The following KPNA6 variants were observed in gnomAD, a reference collection of about 807,000 sequenced individuals.
The protein encoded by KPNA6 is importin subunit alpha-7.
A neutral mutation model predicts 72.0 loss-of-function variants in KPNA6; 9 were observed. The observed-to-expected ratio is 0.13, with a 90% confidence interval of 0.08 to 0.22. The LOEUF (loss-of-function observed/expected upper bound fraction) is 0.22. Among genes scored for constraint, KPNA6 ranks in the 10% least tolerant of loss-of-function variants. The pLI, the probability that KPNA6 is intolerant of heterozygous loss-of-function variation, is 1.00. For missense variants in KPNA6, 374 were observed against 655.7 expected (o/e 0.57, Z 4.69); for synonymous variants, 219 against 242.1 (o/e 0.90, Z 0.89).
At chr1:32,164,073 C>T (rs1227830076) in intron 10 of KPNA6, among the ~76,000 whole-genome samples, 1 of 152,220 alleles carries the variant, frequency 6.6e-6, no homozygotes, top group East Asian at 1.9e-4. Flanking sequence ...CTCCCTTCCC[C>T]TAGTGCCTAG....
chr1:32,162,103 T>C, intron 8 of KPNA6, 57 bp downstream of exon 8: 2 of 1,395,404 alleles, frequency 1.4e-6, no homozygotes, highest in Non-Finnish European at 2.0e-6. Context: ...TATGGAGTTT[T>C]TAAGTCTTTG....
intron 1 of KPNA6, among the ~76,000 whole-genome samples, chr1:32,139,613 A>G (rs1267111879): frequency 6.6e-6 from 1 of 152,246 alleles, no homozygotes; most frequent in African/African-American, 2.4e-5. Flanking sequence ...GGCGTTCTAT[A>G]AGAAAACTGA....
intron 5 of KPNA6, 90 bp from the exon 6 acceptor site, chr1:32,159,310 G>T: frequency 3.6e-6 from 5 of 1,372,596 alleles, no homozygotes; most frequent in Non-Finnish European, 5.0e-6. Flanking sequence ...TTAAATTCAT[G>T]GGCAGGAGGC....
intron 1 of KPNA6, among the ~76,000 whole-genome samples, chr1:32,137,950 C>T (rs1641766847): frequency 6.6e-6 from 1 of 152,032 alleles, no homozygotes; most frequent in Non-Finnish European, 1.5e-5. Context: ...GCCTGGCCAA[C>T]ATGGTGAAAC....
chr1:32,119,189 C>T (rs1641389177), intron 1 of KPNA6, among the ~76,000 whole-genome samples: 1 of 151,058 alleles, frequency 6.6e-6, no homozygotes, highest in Non-Finnish European at 1.5e-5. Context: ...CACAACCACG[C>T]CTGGCTAATT....
chr1:32,170,927 G>A lies in KPNA6; in HGVS notation c.*33G>A, dbSNP rs1557488534. On this transcript the variant is annotated 3_prime_UTR_variant, in exon 14 of 14. Coordinates refer to ENST00000373625, the MANE Select transcript of KPNA6 (RefSeq NM_012316.5). ...CTCCAGGGAGGGGAGGGGATGGGAAGCACCACCAGCCAGCGGAAGAGCAGC... is the reference window on the plus strand; with the variant it reads ...CTCCAGGGAGGGGAGGGGATGGGAAACACCACCAGCCAGCGGAAGAGCAGC... 3 of 1,596,082 alleles carry A rather than the reference G, an allele frequency of 1.9e-6. No homozygotes were observed. The highest frequency in any genetic ancestry group is 2.6e-6 in the Non-Finnish European group (3 of 1,164,660).
At chr1:32,111,730 T>C (rs1286536058) in intron 1 of KPNA6, among the ~76,000 whole-genome samples, 1 of 152,178 alleles carries the variant, frequency 6.6e-6, no homozygotes, top group African/African-American at 2.4e-5. Flanking sequence ...GCCTCTTAAG[T>C]GTACTCTCAG....
At chr1:32,157,488 G>A (rs997717388) in intron 4 of KPNA6, 43 bp downstream of exon 4, 1 of 1,413,672 alleles carries the variant, frequency 7.1e-7, no homozygotes, top group African/African-American at 1.4e-5. Flanking sequence ...ATATGATTTA[G>A]CCTCTTTTCT....
chr1:32,145,361 G>C (rs1312019529), intron 1 of KPNA6, among the ~76,000 whole-genome samples: 1 of 148,492 alleles, frequency 6.7e-6, no homozygotes, highest in African/African-American at 2.5e-5. Context: ...AGCAAGCTCT[G>C]TTCCCCAAGC....
chr1:32,131,683 C>G (rs960150795), intron 1 of KPNA6, among the ~76,000 whole-genome samples: 1 of 147,990 alleles, frequency 6.8e-6, no homozygotes, highest in East Asian at 2.0e-4. Context: ...GTTGTGTGTG[C>G]GTGTGTATAT....
At chr1:32,144,925 C>T (rs1019712668) in intron 1 of KPNA6, among the ~76,000 whole-genome samples, 29 of 150,774 alleles carry the variant, frequency 1.9e-4, no homozygotes, top group East Asian at 1.8e-3. Flanking sequence ...GAATTACAGG[C>T]GTAAGCCACC....
Position 32,143,586 on chromosome 1 carries a change from A to G in KPNA6, c.5-11002A>G, listed in dbSNP as rs546564953. Among the ~76,000 whole-genome samples the G allele has an allele frequency of 7.5e-3, 894 of 119,164 alleles. 10 individuals carry two copies. The highest frequency in any genetic ancestry group is 0.032 in the East Asian group (95 of 2,988). The allele number at this position is 119,164 out of a possible 152,430, so 78.2% of individuals were successfully genotyped here. A position where few individuals can be genotyped will look rare whatever the true frequency, so the allele number is the denominator to read the frequency against. The stretch of plus-strand genomic sequence containing the variant: ...AGATTCTGTCTTAAAAAAAAAAAAA[A>G]GAAAAGAAAAAAAAATTATTAGTGA... On this transcript the variant is annotated intron_variant, in intron 1 of 13. Transcript: ENST00000373625.
chr1:32,152,852 TAAA>T (rs1376057694), intron 1 of KPNA6, among the ~76,000 whole-genome samples: 2 of 127,394 alleles, frequency 1.6e-5, no homozygotes, highest in African/African-American at 6.0e-5. Flanking sequence ...CTAAAAAAAA[TAAA>T]AATAAAAATA....
At chr1:32,115,879 G>T (rs1001590902) in intron 1 of KPNA6, among the ~76,000 whole-genome samples, 6 of 151,718 alleles carry the variant, frequency 4.0e-5, no homozygotes, top group Admixed American at 2.0e-4. Flanking sequence ...AGGTAGCCAG[G>T]ATAACAGGTG....
chr1:32,131,379 T>TTG (rs1264879026), intron 1 of KPNA6, among the ~76,000 whole-genome samples: 2 of 152,018 alleles, frequency 1.3e-5, no homozygotes, highest in African/African-American at 4.8e-5. Context: ...CTGGGCATGG[T>TTG]GGCTCATGCC....
At chr1:32,158,991 G>C (rs1266447981) in intron 5 of KPNA6, among the ~76,000 whole-genome samples, 1 of 152,154 alleles carries the variant, frequency 6.6e-6, no homozygotes, top group Admixed American at 6.6e-5. Flanking sequence ...CAATCCATTG[G>C]AACTTGCCAG....
chr1:32,137,883 C>G (rs1276950659), intron 1 of KPNA6, among the ~76,000 whole-genome samples: 1 of 152,144 alleles, frequency 6.6e-6, no homozygotes, highest in Non-Finnish European at 1.5e-5. Context: ...GCCTGTAGTC[C>G]CAGCACATTT....
At position 32,173,621 on chromosome 1, in the gene KPNA6, C is replaced by T. The variant is rs1642477149; in HGVS notation, c.*2727C>T. On this transcript the variant is annotated 3_prime_UTR_variant, in exon 14 of 14. Transcript: ENST00000373625. The stretch of plus-strand genomic sequence containing the variant: ...CAGCCCACAGAGGTAGTAATATCAT[C>T]TTTTCTATCTCCTCCTCTCCTTTGG... The T allele has an allele frequency of 6.6e-6, 1 of 152,394 alleles. No homozygotes were observed. The highest frequency in any genetic ancestry group is 6.5e-5 in the Admixed American group (1 of 15,290). The allele number at this position is 152,394 out of a possible 1,614,324, so 9.4% of individuals were successfully genotyped here. A position where few individuals can be genotyped will look rare whatever the true frequency, so the allele number is the denominator to read the frequency against.
chr1:32,143,687 CCAT>C (rs1265795808), intron 1 of KPNA6, among the ~76,000 whole-genome samples: 1 of 151,728 alleles, frequency 6.6e-6, no homozygotes, highest in Non-Finnish European at 1.5e-5. Flanking sequence ...TGTTATGTGA[CCAT>C]CATCATCACT....
Sources: allele counts gnomAD v4.1 joint callset (sites outside exome capture counted in the v4.1 genomes callset), GRCh38; gene constraint gnomAD v4.1.1; transcripts MANE v1.5; gene names NCBI Gene and HGNC (gene_info 2026-07-23, HGNC 2026-07-21).